The following MACROD2 variants were observed in gnomAD, a reference collection of about 807,000 sequenced individuals.
MACROD2 encodes the protein ADP-ribose glycohydrolase MACROD2.
Under a neutral mutation model 70.4 loss-of-function variants are expected in MACROD2, and 36 were observed. The observed-to-expected ratio is 0.51, with a 90% CI of 0.39 to 0.68. MACROD2 has a LOEUF of 0.68. MACROD2 is among the 30% of genes least tolerant of loss of function. MACROD2 has a pLI of 0.00. For synonymous variants in MACROD2, 172 were observed against 178.8 expected (o/e 0.96, Z 0.30); for missense variants, 496 against 538.4 (o/e 0.92, Z 0.78).
intron 3 of MACROD2, among the ~76,000 whole-genome samples, chr20:14,151,559 G>A (rs568696200): frequency 2.0e-5 from 3 of 152,082 alleles, no homozygotes; most frequent in South Asian, 2.1e-4. Context: ...GATCTCAGCC[G>A]CTTACTGTAA....
At chr20:15,171,888 G>A (rs1410585551) in intron 5 of MACROD2, among the ~76,000 whole-genome samples, 1 of 152,108 alleles carries the variant, frequency 6.6e-6, no homozygotes, top group Non-Finnish European at 1.5e-5. Context: ...CCCTTTATCA[G>A]CAGTGTCTAC....
intron 3 of MACROD2, among the ~76,000 whole-genome samples, chr20:14,453,906 A>G (rs2084271318): frequency 6.6e-6 from 1 of 151,874 alleles, no homozygotes; most frequent in African/African-American, 2.4e-5. Context: ...TAATATTTAT[A>G]TACTATTTAG....
At chr20:14,172,773 T>A (rs2081233415) in intron 3 of MACROD2, among the ~76,000 whole-genome samples, 1 of 152,100 alleles carries the variant, frequency 6.6e-6, no homozygotes, top group African/African-American at 2.4e-5. Context: ...TTTAAGGAGG[T>A]TCTATTTTGG....
intron 7 of MACROD2, among the ~76,000 whole-genome samples, chr20:15,493,649 A>G (rs997905346): frequency 1.3e-5 from 2 of 152,206 alleles, no homozygotes; most frequent in Non-Finnish European, 2.9e-5. Context: ...AAAGTTAAAG[A>G]TAATAGGGAA....
intron 10 of MACROD2, among the ~76,000 whole-genome samples, chr20:15,906,896 A>C (rs2065156074): frequency 6.6e-6 from 1 of 152,166 alleles, no homozygotes; most frequent in Non-Finnish European, 1.5e-5. Flanking sequence ...GACAATATTC[A>C]CTCGCTTTGA....
intron 3 of MACROD2, among the ~76,000 whole-genome samples, chr20:14,116,749 T>G (rs2054518750): frequency 6.6e-6 from 1 of 152,046 alleles, no homozygotes; most frequent in Non-Finnish European, 1.5e-5. Flanking sequence ...TTATACTGAG[T>G]TTTCTACTTA....
At chr20:15,224,567 A>G (rs920348074) in intron 5 of MACROD2, among the ~76,000 whole-genome samples, 2 of 152,192 alleles carry the variant, frequency 1.3e-5, no homozygotes, top group South Asian at 2.1e-4. Flanking sequence ...TCTTTTCTTA[A>G]TCTCTAAAAA....
intron 4 of MACROD2, among the ~76,000 whole-genome samples, chr20:14,537,630 G>T (rs568998057): frequency 1.3e-5 from 2 of 152,214 alleles, no homozygotes; most frequent in Admixed American, 1.3e-4. Context: ...CGTGAAGCAG[G>T]GCATCACCAA....
chr20:14,756,380 T>A (rs373869312), intron 5 of MACROD2, among the ~76,000 whole-genome samples: 1 of 152,168 alleles, frequency 6.6e-6, no homozygotes, highest in Admixed American at 6.5e-5. Context: ...CATCTGTTTA[T>A]TGTCTTCATT....
At chr20:14,186,434 T>C (rs2081344731) in intron 3 of MACROD2, among the ~76,000 whole-genome samples, 2 of 152,110 alleles carry the variant, frequency 1.3e-5, no homozygotes, top group South Asian at 2.1e-4. Context: ...AGAATGGCTA[T>C]TATTAAAAAG....
intron 5 of MACROD2, among the ~76,000 whole-genome samples, chr20:15,207,105 G>C (rs1189720768): frequency 6.6e-6 from 1 of 152,086 alleles, no homozygotes; most frequent in Non-Finnish European, 1.5e-5. Flanking sequence ...TTCATTGTAT[G>C]AAGCACAATT....
At chr20:15,229,451 T>C (rs936811625) in intron 5 of MACROD2, among the ~76,000 whole-genome samples, 52 of 152,196 alleles carry the variant, frequency 3.4e-4, no homozygotes, top group Admixed American at 2.6e-3. Flanking sequence ...TATTAAAAAT[T>C]CTCTTGGTAT....
chr20:14,046,080 T>G (rs762869039), intron 2 of MACROD2, among the ~76,000 whole-genome samples: 4 of 152,082 alleles, frequency 2.6e-5, no homozygotes, highest in Non-Finnish European at 5.9e-5. Context: ...AAAGAAAGAA[T>G]GAGAAATTCC....
intron 5 of MACROD2, among the ~76,000 whole-genome samples, chr20:15,174,235 A>G (rs567870519): frequency 5.4e-4 from 82 of 152,300 alleles, no homozygotes; most frequent in African/African-American, 1.8e-3. Context: ...TGGTTTCTTC[A>G]TATCTGTTCT....
rs1423161517 is a variant in MACROD2, at chr20:14,926,274, G to GTT, written c.418+241316_418+241317insTT. On this transcript the variant is annotated intron_variant, in intron 5 of 17. Coordinates refer to ENST00000684519, the MANE Select transcript of MACROD2 (RefSeq NM_001351661.2). ...TAAAAAAATAGGGAGCACTGGCCAG[G>GTT]TGCGGTGGCTCACACCTGTAATCCC... Among the ~76,000 whole-genome samples, 9 of 152,166 alleles carry GTT rather than the reference G, an allele frequency of 5.9e-5. No homozygotes were observed. The East Asian group carries it at 1.5e-3, about 26-fold the overall frequency.
intron 6 of MACROD2, among the ~76,000 whole-genome samples, chr20:15,384,608 A>C (rs1366159933): frequency 2.6e-5 from 4 of 152,170 alleles, no homozygotes; most frequent in Non-Finnish European, 5.9e-5. Flanking sequence ...TGTAACCAAT[A>C]AACATTTATT....
At chr20:15,629,619 G>T (rs1227809507) in intron 8 of MACROD2, among the ~76,000 whole-genome samples, 1 of 152,196 alleles carries the variant, frequency 6.6e-6, no homozygotes, top group Non-Finnish European at 1.5e-5. Context: ...ATGTTCTTAT[G>T]TAGAAATAAT....
chr20:15,938,636 T>C (rs931706957), intron 12 of MACROD2, among the ~76,000 whole-genome samples: 1 of 152,102 alleles, frequency 6.6e-6, no homozygotes, highest in Non-Finnish European at 1.5e-5. Flanking sequence ...CACAACAATA[T>C]TGAAATTAGG....
chr20:14,738,203 A>G (rs1208781432), intron 5 of MACROD2, among the ~76,000 whole-genome samples: 1 of 152,080 alleles, frequency 6.6e-6, no homozygotes, highest in Non-Finnish European at 1.5e-5. Context: ...TTAGGCAAAC[A>G]TTTATAAAAG....
Sources: gnomAD v4.1 joint callset for allele counts (sites outside exome capture counted in the v4.1 genomes callset) on GRCh38, gnomAD v4.1.1 for gene constraint, MANE v1.5 for transcripts, NCBI Gene and HGNC (gene_info 2026-07-23, HGNC 2026-07-21) for gene names.